The following STAM2 variants were observed in gnomAD, a reference collection of about 807,000 sequenced individuals.
STAM2 encodes the protein signal transducing adapter molecule 2.
In STAM2, 51 loss-of-function variants were observed where a neutral mutation model predicts 65.6. The observed-to-expected ratio is 0.78, with a 90% CI of 0.62 to 0.98. The LOEUF (loss-of-function observed/expected upper bound fraction) is 0.98, where lower values mean the gene tolerates loss of function less well. Among genes scored for constraint, STAM2 ranks in the 50% least tolerant of loss-of-function variants. STAM2 has a pLI of 0.00. For missense variants in STAM2, 584 were observed against 617.8 expected, an observed-to-expected ratio of 0.95 and a Z score of 0.58; for synonymous variants, 198 against 208.4, an observed-to-expected ratio of 0.95 and a Z score of 0.43.
At chr2:152,126,097 ACAAT>A (rs888313993) in intron 12 of STAM2, 125 bp downstream of exon 12, 128 of 791,732 alleles carry the variant, frequency 1.6e-4, no homozygotes, top group Non-Finnish European at 2.1e-4. Flanking sequence ...ATTTACTGAA[ACAAT>A]CAAAGATAAA....
chr2:152,148,199 C>T (rs1689370892), intron 3 of STAM2, 26 bp downstream of exon 3: 2 of 1,599,266 alleles, frequency 1.3e-6, no homozygotes, highest in Admixed American at 3.4e-5. Context: ...AAATTTGCGT[C>T]AAATAATAAC....
intron 7 of STAM2, among the ~76,000 whole-genome samples, chr2:152,141,747 T>C (rs1446147534): frequency 6.6e-6 from 1 of 151,456 alleles, no homozygotes; most frequent in Non-Finnish European, 1.5e-5. Flanking sequence ...TGCGCCACCA[T>C]GCACGGCTAA....
intron 1 of STAM2, among the ~76,000 whole-genome samples, chr2:152,150,470 T>C (rs1190609479): frequency 2.0e-5 from 3 of 152,216 alleles, no homozygotes; most frequent in Non-Finnish European, 4.4e-5. Context: ...TAAGTATCAA[T>C]AATCCCATCA....
intron 12 of STAM2, 52 bp downstream of exon 12, chr2:152,126,174 A>C (rs1434579140): frequency 4.2e-6 from 6 of 1,442,618 alleles, no homozygotes; most frequent in Non-Finnish European, 5.5e-6. Flanking sequence ...ATTTTCTTTT[A>C]CTTTTAAAAG....
chr2:152,155,133 G>A (rs1425038980), intron 1 of STAM2, among the ~76,000 whole-genome samples: 2 of 152,114 alleles, frequency 1.3e-5, no homozygotes, highest in African/African-American at 4.8e-5. Context: ...ATTTTTGTTT[G>A]TTTTGTTCAC....
chr2:152,170,816 C>T (rs1282870512), intron 1 of STAM2, among the ~76,000 whole-genome samples: 4 of 152,202 alleles, frequency 2.6e-5, no homozygotes, highest in African/African-American at 9.6e-5. Context: ...GCCAACATGG[C>T]GAAATCCCAT....
intron 7 of STAM2, among the ~76,000 whole-genome samples, chr2:152,136,948 G>A (rs1221157507): frequency 6.9e-6 from 1 of 145,360 alleles, no homozygotes; most frequent in African/African-American, 2.6e-5. Flanking sequence ...AAGCTGGAGT[G>A]CAGTGGCACG....
chr2:152,153,007 C>T (rs1186915104), intron 1 of STAM2, among the ~76,000 whole-genome samples: 1 of 151,866 alleles, frequency 6.6e-6, no homozygotes, highest in African/African-American at 2.4e-5. Flanking sequence ...ATTACATGAT[C>T]AAAGTAAAAA....
intron 11 of STAM2, 107 bp from the exon 12 acceptor site, chr2:152,126,486 G>A: frequency 3.1e-6 from 2 of 639,534 alleles, no homozygotes; most frequent in Admixed American, 8.3e-5. Flanking sequence ...ATATTAAAAG[G>A]CTTTTTTATA....
intron 7 of STAM2, among the ~76,000 whole-genome samples, chr2:152,142,671 G>C (rs145688381): frequency 3.9e-5 from 6 of 152,276 alleles, no homozygotes; most frequent in African/African-American, 1.4e-4. Flanking sequence ...TAGGTTTTGT[G>C]TTAGATGATT....
chr2:152,168,859 TTATTGTC>T (rs1278910434), intron 1 of STAM2, among the ~76,000 whole-genome samples: 1 of 152,242 alleles, frequency 6.6e-6, no homozygotes, highest in Non-Finnish European at 1.5e-5. Flanking sequence ...AGACAATTGA[TTATTGTC>T]TATTGTCAAC....
chr2:152,155,462 C>G (rs912209051), intron 1 of STAM2, among the ~76,000 whole-genome samples: 1 of 152,184 alleles, frequency 6.6e-6, no homozygotes, highest in Admixed American at 6.5e-5. Flanking sequence ...GGCAACAAAA[C>G]GTAACAGCAC....
rs1689094100 is a variant in STAM2, at chr2:152,133,202, G to T, written c.941C>A (p.Pro314Gln). ...TAAATCCAAAAGGTCTTGGGAGTCT[G>T]GTTTTGAATCTGTTGGATCTATACT... ...LQSIDPTDSK[P>Q]DSQDLLDLED... The change falls in exon 10 of 14, where the codon CCA becomes CAA. Residue 314 changes from proline to glutamine, a missense_variant. Coordinates refer to ENST00000263904, the MANE Select transcript of STAM2 (RefSeq NM_005843.6). 3 of 1,600,838 alleles carry T rather than the reference G, an allele frequency of 1.9e-6. No individual in the cohort carries two copies. The East Asian group carries it at 6.8e-5, about 36-fold the overall frequency.
At chr2:152,161,662 T>C (rs1349065060) in intron 1 of STAM2, among the ~76,000 whole-genome samples, 3 of 152,224 alleles carry the variant, frequency 2.0e-5, no homozygotes, top group Non-Finnish European at 4.4e-5. Context: ...TGACTCTATT[T>C]AGCATTTTAT....
Position 152,150,230 on chromosome 2 carries a change from C to G in STAM2, c.41-1G>C. 1.2e-6 allele frequency: 2 copies of G among 1,602,264 alleles called. No homozygotes were observed. Among genetic ancestry groups the G allele is most frequent in the African/African-American group, 1.3e-5 (1 of 74,798 alleles). On this transcript the variant is annotated splice_acceptor_variant, in intron 1 of 13. Transcript: ENST00000263904. LOFTEE classifies it high-confidence loss of function. ...GTGTTGTACTCATTCGTGGCTTTTT[C>G]TATAAAATATATTGGCATACACAAC...
At chr2:152,162,172 G>A (rs1033237645) in intron 1 of STAM2, among the ~76,000 whole-genome samples, 3 of 152,294 alleles carry the variant, frequency 2.0e-5, no homozygotes, top group African/African-American at 7.2e-5. Context: ...TCTGAGTACT[G>A]AATGACAGAT....
chr2:152,167,903 G>A (rs1689818071), intron 1 of STAM2, among the ~76,000 whole-genome samples: 11 of 151,600 alleles, frequency 7.3e-5, no homozygotes, highest in Admixed American at 7.2e-4. Flanking sequence ...GAGTGAGGCT[G>A]TGTCTCAAAA....
At chr2:152,147,860 T>C (rs879856090) in intron 4 of STAM2, among the ~76,000 whole-genome samples, 164 bp downstream of exon 4, 11 of 152,208 alleles carry the variant, frequency 7.2e-5, no homozygotes, top group Non-Finnish European at 1.2e-4. Context: ...AGAATAGTTT[T>C]TGGTGCTACA....
intron 6 of STAM2, 66 bp from the exon 7 acceptor site, chr2:152,144,079 A>G (rs951816643): frequency 7.1e-7 from 1 of 1,401,058 alleles, no homozygotes; most frequent in Non-Finnish European, 9.8e-7. Flanking sequence ...ATTAGATGAC[A>G]ATGTAAAATT....
Sources: gnomAD v4.1 joint callset for allele counts (sites outside exome capture counted in the v4.1 genomes callset) on GRCh38, gnomAD v4.1.1 for gene constraint, MANE v1.5 for transcripts, NCBI Gene and HGNC (gene_info 2026-07-23, HGNC 2026-07-21) for gene names.